The following CHN2 variants were observed in gnomAD, a reference collection of about 807,000 sequenced individuals.
The protein encoded by CHN2 is beta-chimaerin.
In CHN2, 35 loss-of-function variants were observed where a neutral mutation model predicts 56.3. The ratio of observed to expected loss-of-function variants is 0.62; its 90% CI spans 0.47 to 0.82. The LOEUF is 0.82. Among genes scored for constraint, CHN2 ranks in the 40% least tolerant of loss-of-function variants. CHN2 has a pLI of 0.00. For synonymous variants in CHN2, 210 were observed against 212.8 expected (o/e 0.99, Z 0.12); for missense variants, 491 against 580.5 (o/e 0.85, Z 1.58).
intron 1 of CHN2, among the ~76,000 whole-genome samples, chr7:29,245,573 C>T (rs1361970311): frequency 6.6e-6 from 1 of 152,176 alleles, no homozygotes; most frequent in Non-Finnish European, 1.5e-5. Context: ...GTGCATTATG[C>T]ATTCCTAGAA....
intron 6 of CHN2, among the ~76,000 whole-genome samples, chr7:29,416,820 T>C (rs572952881): frequency 9.2e-5 from 14 of 152,388 alleles, no homozygotes; most frequent in Non-Finnish European, 1.6e-4. Context: ...AGCATTTTTA[T>C]ACTGACTCTC....
chr7:29,432,101 T>C (rs149246386), intron 6 of CHN2, among the ~76,000 whole-genome samples: 69 of 152,316 alleles, frequency 4.5e-4, no homozygotes, highest in African/African-American at 1.6e-3. Flanking sequence ...TTTCCTAGTG[T>C]TCAACCACCT....
At chr7:29,393,560 A>G (rs1801513822) in intron 3 of CHN2, 119 bp from the exon 4 acceptor site, 1 of 469,306 alleles carries the variant, frequency 2.1e-6, no homozygotes, top group East Asian at 8.0e-5. Context: ...TCTGATTTGG[A>G]GGATACAATC....
intron 1 of CHN2, among the ~76,000 whole-genome samples, chr7:29,295,492 G>T (rs1371510394): frequency 6.6e-6 from 1 of 151,786 alleles, no homozygotes; most frequent in Non-Finnish European, 1.5e-5. Context: ...GCCAGGCATG[G>T]TGGCTCACGC....
intron 6 of CHN2, among the ~76,000 whole-genome samples, chr7:29,415,141 G>C (rs1465774403): frequency 6.6e-6 from 1 of 152,184 alleles, no homozygotes; most frequent in African/African-American, 2.4e-5. Context: ...CGACTAGCTC[G>C]GGATGGGCCA....
chr7:29,187,878 A>G (rs1168132878), intron 2 of CHN2, among the ~76,000 whole-genome samples: 1 of 152,246 alleles, frequency 6.6e-6, no homozygotes, highest in African/African-American at 2.4e-5. Flanking sequence ...ATTCATTTAC[A>G]TAAATATGAG....
Position 29,400,701 on chromosome 7 carries a change from A to T in CHN2, c.449A>T (p.Asn150Ile). The change falls in exon 6 of 13, where the codon AAC becomes ATC. Residue 150 changes from asparagine (N) to isoleucine (I), a missense_variant. Physicochemically the swap from Asn to Ile is moderately radical, Grantham distance 149 (BLOSUM62 -3). Transcript: ENST00000222792. ...AAEYISKMTTNPIYEHIGYAT... is the reference protein window; with the variant it reads ...AAEYISKMTTIPIYEHIGYAT... The stretch of plus-strand genomic sequence containing the variant: ...GAGTACATTTCAAAAATGACAACTA[A>T]CCCCATCTATGAACACATTGGATAT... 2 of 1,614,124 alleles carry T rather than the reference A, an allele frequency of 1.2e-6. No homozygotes were observed. The highest frequency in any genetic ancestry group is 1.7e-6 in the Non-Finnish European group (2 of 1,180,026).
intron 1 of CHN2, among the ~76,000 whole-genome samples, chr7:29,245,829 C>T (rs1460160469): frequency 1.3e-5 from 2 of 152,182 alleles, no homozygotes; most frequent in Admixed American, 6.5e-5. Context: ...CCACTTGGAA[C>T]ACTTCTCTTC....
At chr7:29,371,407 A>G (rs1799604047) in intron 3 of CHN2, among the ~76,000 whole-genome samples, 1 of 152,232 alleles carries the variant, frequency 6.6e-6, no homozygotes. Flanking sequence ...ATTAATATTT[A>G]TTGGGCAGCC....
At chr7:29,441,058 A>C (rs1323098179) in intron 6 of CHN2, among the ~76,000 whole-genome samples, 1 of 152,226 alleles carries the variant, frequency 6.6e-6, no homozygotes, top group Non-Finnish European at 1.5e-5. Flanking sequence ...TATAATGAGA[A>C]CATTTGAGAT....
At chr7:29,327,815 A>G (rs772873725) in intron 1 of CHN2, among the ~76,000 whole-genome samples, 2 of 152,210 alleles carry the variant, frequency 1.3e-5, no homozygotes, top group Non-Finnish European at 2.9e-5. Flanking sequence ...TGAATCGTAA[A>G]GTTTAAAGTT....
chr7:29,219,639 G>T (rs1394554520), intron 1 of CHN2, among the ~76,000 whole-genome samples: 4 of 152,074 alleles, frequency 2.6e-5, no homozygotes, highest in Admixed American at 2.6e-4. Context: ...ATACTATGTA[G>T]ACTGAGAAAG....
intron 6 of CHN2, among the ~76,000 whole-genome samples, chr7:29,450,393 G>A (rs1270498903): frequency 1.3e-5 from 2 of 152,184 alleles, no homozygotes; most frequent in African/African-American, 4.8e-5. Context: ...GATAATCTTT[G>A]TGGACCCTAA....
intron 1 of CHN2, among the ~76,000 whole-genome samples, chr7:29,301,076 G>A (rs1793620856): frequency 6.6e-6 from 1 of 152,022 alleles, no homozygotes; most frequent in African/African-American, 2.4e-5. Flanking sequence ...TTTGTCAATT[G>A]TTTTGAATAC....
chr7:29,220,753 A>G (rs1166166372), intron 1 of CHN2, among the ~76,000 whole-genome samples: 1 of 152,178 alleles, frequency 6.6e-6, no homozygotes, highest in Non-Finnish European at 1.5e-5. Flanking sequence ...TGTTACACAA[A>G]CTCTTATAGA....
At chr7:29,347,726 A>C (rs1451078321) in intron 1 of CHN2, among the ~76,000 whole-genome samples, 1 of 152,234 alleles carries the variant, frequency 6.6e-6, no homozygotes, top group Non-Finnish European at 1.5e-5. Context: ...AGTGGAAAAT[A>C]GTCTCAATGT....
At chr7:29,229,077 G>T (rs1447635795) in intron 1 of CHN2, among the ~76,000 whole-genome samples, 1 of 152,138 alleles carries the variant, frequency 6.6e-6, no homozygotes, top group African/African-American at 2.4e-5. Context: ...CCCTCACCTG[G>T]ACTGACCAGC....
intron 1 of CHN2, among the ~76,000 whole-genome samples, chr7:29,299,181 C>T (rs547218143): frequency 2.0e-5 from 3 of 152,304 alleles, no homozygotes; most frequent in Admixed American, 1.3e-4. Flanking sequence ...CCTATGGTTC[C>T]ACCCCGTGCT....
At chr7:29,365,647 T>C (rs1190628341) in intron 2 of CHN2, among the ~76,000 whole-genome samples, 1 of 151,744 alleles carries the variant, frequency 6.6e-6, no homozygotes, top group Non-Finnish European at 1.5e-5. Flanking sequence ...GGCCCTGAGG[T>C]TGAAGGGAAC....
Sources: allele counts gnomAD v4.1 joint callset (sites outside exome capture counted in the v4.1 genomes callset), GRCh38; gene constraint gnomAD v4.1.1; transcripts MANE v1.5; gene names NCBI Gene and HGNC (gene_info 2026-07-23, HGNC 2026-07-21).